Variants in TMEM132D observed in about 807,000 individuals in gnomAD.
TMEM132D encodes the protein mature OL transmembrane protein.
Under a neutral mutation model 62.3 loss-of-function variants are expected in TMEM132D, and 21 were observed. The observed-to-expected ratio is 0.34, with a 90% CI of 0.24 to 0.49. The LOEUF (loss-of-function observed/expected upper bound fraction) is 0.49. Among genes scored for constraint, TMEM132D ranks in the 20% least tolerant of loss-of-function variants. TMEM132D has a pLI of 0.99. For synonymous variants in TMEM132D, 621 were observed against 575.6 expected (o/e 1.08, Z -1.13); for missense variants, 1,346 against 1,402.8 (o/e 0.96, Z 0.65).
chr12:129,098,383 G>T (rs377584630), intron 5 of TMEM132D, among the ~76,000 whole-genome samples: 8 of 152,308 alleles, frequency 5.3e-5, no homozygotes, highest in South Asian at 2.1e-4. Flanking sequence ...ATGATGATGA[G>T]ATGATCACAG....
At position 129,779,890 on chromosome 12, in the gene TMEM132D, C is replaced by T. The variant is rs1871066587; in HGVS notation, c.80-79192G>A. Reference sequence around the variant, plus strand: ...AAGAATCTGCAGGTGAAGCACATTACTATTTTTACCAACGTGCTTTTACGC... The same window carrying T: ...AAGAATCTGCAGGTGAAGCACATTATTATTTTTACCAACGTGCTTTTACGC... On this transcript the variant is annotated intron_variant, in intron 1 of 8. Transcript: ENST00000422113. This position sits in a 1 kb window ranked among gnomAD's most constrained non-coding sequence, Gnocchi z 4.1. 6.6e-6 allele frequency among the ~76,000 whole-genome samples: 1 copy of T among 152,158 alleles called. No individual in the cohort carries two copies. Among genetic ancestry groups the T allele is most frequent in the Admixed American group, 6.5e-5 (1 of 15,278 alleles).
At chr12:129,141,081 T>C (rs1876728506) in intron 5 of TMEM132D, among the ~76,000 whole-genome samples, 1 of 152,208 alleles carries the variant, frequency 6.6e-6, no homozygotes, top group African/African-American at 2.4e-5. Context: ...AGATCTTAAG[T>C]TGCATCATTC....
chr12:129,881,677 T>C (rs1204429012), intron 1 of TMEM132D, among the ~76,000 whole-genome samples: 1 of 151,894 alleles, frequency 6.6e-6, no homozygotes, highest in Non-Finnish European at 1.5e-5. Flanking sequence ...TATTAGGAAC[T>C]GATGTAAGTA....
intron 5 of TMEM132D, among the ~76,000 whole-genome samples, chr12:129,175,383 T>C (rs553063954): frequency 2.0e-5 from 3 of 152,336 alleles, no homozygotes; most frequent in South Asian, 2.1e-4. Context: ...CCACCACTTA[T>C]TGCCAATCTG....
chr12:129,877,629 A>G (rs1271569035), intron 1 of TMEM132D, among the ~76,000 whole-genome samples: 1 of 117,224 alleles, frequency 8.5e-6, no homozygotes, highest in African/African-American at 3.7e-5. Context: ...ACACACACAC[A>G]GAGAGAGAGA....
At chr12:129,202,303 T>C (rs990841383) in intron 5 of TMEM132D, among the ~76,000 whole-genome samples, 5 of 152,190 alleles carry the variant, frequency 3.3e-5, no homozygotes, top group Admixed American at 1.3e-4. Flanking sequence ...GCTTTCTTTC[T>C]TAACAGCCTC....
At chr12:129,305,033 C>T (rs1023899792) in intron 4 of TMEM132D, among the ~76,000 whole-genome samples, 2 of 152,216 alleles carry the variant, frequency 1.3e-5, no homozygotes, top group African/African-American at 2.4e-5. Context: ...ATCCATTATA[C>T]ACTTTCCACT....
chr12:129,325,467 T>C (rs1868875899), intron 4 of TMEM132D, among the ~76,000 whole-genome samples: 1 of 152,172 alleles, frequency 6.6e-6, no homozygotes, highest in Admixed American at 6.5e-5. Context: ...CAAAGCTGGA[T>C]GGCACCTGCA....
At chr12:129,250,339 G>C (rs1438224472) in intron 4 of TMEM132D, among the ~76,000 whole-genome samples, 1 of 152,138 alleles carries the variant, frequency 6.6e-6, no homozygotes, top group African/African-American at 2.4e-5. Context: ...GTTCTCATCT[G>C]TTTCCATTAA....
chr12:129,824,033 G>GTTT, intron 1 of TMEM132D, among the ~76,000 whole-genome samples: 1 of 152,266 alleles, frequency 6.6e-6, no homozygotes, highest in African/African-American at 2.4e-5. Flanking sequence ...GTGAGGGACA[G>GTTT]ACACTCTACC....
chr12:129,112,454 G>A (rs1455814716), intron 5 of TMEM132D, among the ~76,000 whole-genome samples: 1 of 152,206 alleles, frequency 6.6e-6, no homozygotes, highest in Admixed American at 6.5e-5. Flanking sequence ...CTGAGGTCGG[G>A]AGTTCGAGAC....
At chr12:129,221,749 C>T (rs1879351131) in intron 4 of TMEM132D, among the ~76,000 whole-genome samples, 1 of 152,150 alleles carries the variant, frequency 6.6e-6, no homozygotes, top group Non-Finnish European at 1.5e-5. Flanking sequence ...ACCAATCACC[C>T]TGTCCTTGTC....
intron 3 of TMEM132D, among the ~76,000 whole-genome samples, chr12:129,463,886 TGG>T (rs1357611489): frequency 2.6e-5 from 4 of 151,324 alleles, no homozygotes; most frequent in Admixed American, 1.3e-4. Context: ...GTTGGACATT[TGG>T]CTTGGTTCCA....
chr12:129,709,495 C>G (rs993375238), intron 1 of TMEM132D, among the ~76,000 whole-genome samples: 9 of 152,116 alleles, frequency 5.9e-5, no homozygotes, highest in African/African-American at 2.2e-4. Flanking sequence ...TCTTAACTAC[C>G]ACCTTCTCCT....
intron 2 of TMEM132D, among the ~76,000 whole-genome samples, chr12:129,631,751 A>G (rs993256875): frequency 6.6e-6 from 1 of 152,196 alleles, no homozygotes; most frequent in Non-Finnish European, 1.5e-5. Context: ...GTCACGGAAT[A>G]GGTGTGGACT....
Position 129,844,265 on chromosome 12 carries a change from A to G in TMEM132D, c.79+58996T>C, listed in dbSNP as rs1406901510. ...ATAACTTATGCCAATTCATCTTTAC[A>G]TGCTTGAAACAATTGAGGGAAGGGG... On this transcript the variant is annotated intron_variant, in intron 1 of 8. Transcript: ENST00000422113. 2.6e-5 allele frequency among the ~76,000 whole-genome samples: 4 copies of G among 152,174 alleles called. No individual in the cohort carries two copies. In the South Asian group the frequency reaches 6.2e-4, roughly 24 times the overall value.
intron 2 of TMEM132D, among the ~76,000 whole-genome samples, chr12:129,677,222 G>A (rs1880652560): frequency 1.3e-5 from 2 of 152,150 alleles, no homozygotes; most frequent in South Asian, 4.1e-4. Flanking sequence ...ATTGGGGCAG[G>A]TCTTTCCTGT....
chr12:129,711,195 C>G (rs752741181), intron 1 of TMEM132D, among the ~76,000 whole-genome samples: 36 of 152,318 alleles, frequency 2.4e-4, no homozygotes, highest in Non-Finnish European at 5.0e-4. Flanking sequence ...CTCTTCTCAC[C>G]GATGTCCCAG....
chr12:129,699,282 C>T (rs994987408), intron 2 of TMEM132D, among the ~76,000 whole-genome samples: 1 of 152,106 alleles, frequency 6.6e-6, no homozygotes, highest in African/African-American at 2.4e-5. Context: ...ACGTTATGCT[C>T]ATTTATTTTT....
Sources: allele counts gnomAD v4.1 joint callset (sites outside exome capture counted in the v4.1 genomes callset), GRCh38; gene constraint gnomAD v4.1.1; non-coding constraint Gnocchi (gnomAD v3.1); transcripts MANE v1.5; gene names NCBI Gene and HGNC (gene_info 2026-07-23, HGNC 2026-07-21).